The following RFX3 variants were observed in gnomAD, a reference collection of about 807,000 sequenced individuals.
RFX3 encodes the protein transcription factor RFX3.
RFX3 carries 14 observed loss-of-function variants against 98.6 expected under a neutral mutation model. The observed-to-expected ratio is 0.14, with a 90% CI of 0.09 to 0.22. The LOEUF (loss-of-function observed/expected upper bound fraction) is 0.22, where lower values mean the gene tolerates loss of function less well. Among genes scored for constraint, RFX3 ranks in the 10% least tolerant of loss-of-function variants. The pLI is 1.00. For synonymous variants in RFX3, 383 were observed against 328.4 expected, an observed-to-expected ratio of 1.17 and a Z score of -1.80; for missense variants, 639 against 926.9, an observed-to-expected ratio of 0.69 and a Z score of 4.03.
At chr9:3,460,617 T>C (rs1847598663) in intron 1 of RFX3, among the ~76,000 whole-genome samples, 2 of 152,116 alleles carry the variant, frequency 1.3e-5, no homozygotes, top group Admixed American at 1.3e-4. Flanking sequence ...ACCTTATTCA[T>C]GTCACTTAGT....
At chr9:3,382,334 T>C (rs1235530265) in intron 2 of RFX3, among the ~76,000 whole-genome samples, 1 of 152,226 alleles carries the variant, frequency 6.6e-6, no homozygotes, top group African/African-American at 2.4e-5. Flanking sequence ...AAAATCTGTA[T>C]TCTGTCCCAC....
chr9:3,350,066 G>A (rs1279688511), intron 2 of RFX3, among the ~76,000 whole-genome samples: 1 of 152,086 alleles, frequency 6.6e-6, no homozygotes, highest in Non-Finnish European at 1.5e-5. Flanking sequence ...GTTTGGTGAT[G>A]CCTTTTTAGA....
rs1260425009 is a variant in RFX3, at chr9:3,293,088, T to C, written c.720A>G (p.Arg240=). The change falls in exon 6 of 17, where the codon AGA becomes AGG. Residue 240 remains arginine, a synonymous_variant. Transcript: ENST00000617270. ...RSIFMGLRTR[R]LGTRGNSKYH... ...TTTTCAATACTAACCTAGTGCCCAA[T>C]CTCCTGGTTCGTAGCCCCATAAAAA... 6.2e-7 allele frequency: 1 copy of C among 1,611,250 alleles called. No homozygotes were observed. The highest frequency in any genetic ancestry group is 8.5e-7 in the Non-Finnish European group (1 of 1,178,754).
intron 1 of RFX3, among the ~76,000 whole-genome samples, chr9:3,405,214 A>AAAAC (rs1034406471): frequency 1.3e-5 from 2 of 152,232 alleles, no homozygotes; most frequent in Admixed American, 6.5e-5. Context: ...AAAAAAAACC[A>AAAAC]AAACAAACAA....
intron 1 of RFX3, among the ~76,000 whole-genome samples, chr9:3,510,377 G>C (rs1180811278): frequency 6.6e-6 from 1 of 151,986 alleles, no homozygotes; most frequent in Admixed American, 6.6e-5. Flanking sequence ...TAAATGTGAA[G>C]AGACAGTGTT....
At chr9:3,287,901 G>A in intron 7 of RFX3, among the ~76,000 whole-genome samples, 1 of 151,938 alleles carries the variant, frequency 6.6e-6, no homozygotes, top group Non-Finnish European at 1.5e-5. Context: ...AACAGTTTGG[G>A]ATGTCACACT....
In RFX3 at chr9:3,447,413, A is replaced by G. The variant is rs187091857; in HGVS notation, c.-8-51817T>C. 1.6e-3 allele frequency among the ~76,000 whole-genome samples: 247 copies of G among 152,312 alleles called. 1 individual carries two copies. Among genetic ancestry groups the G allele is most frequent in the African/African-American group, 5.7e-3 (238 of 41,590 alleles). ...CCAGCAATGCAAAAGTTGAGAAATG[A>G]AAAATGAAAAGACAAAAACTTTGGG... On this transcript the variant is annotated intron_variant, in intron 1 of 16. Coordinates refer to ENST00000617270, the MANE Select transcript of RFX3 (RefSeq NM_001282116.2).
At chr9:3,285,434 T>C (rs1826463930) in intron 7 of RFX3, among the ~76,000 whole-genome samples, 1 of 151,800 alleles carries the variant, frequency 6.6e-6, no homozygotes, top group South Asian at 2.1e-4. Context: ...CAAATATTCT[T>C]AAATTAGTTT....
intron 1 of RFX3, among the ~76,000 whole-genome samples, chr9:3,504,230 C>A (rs1391028717): frequency 4.2e-5 from 5 of 120,324 alleles, no homozygotes; most frequent in African/African-American, 1.8e-4. Flanking sequence ...ATATTATATA[C>A]TATATATTAT....
At chr9:3,432,871 G>C (rs1451076437) in intron 1 of RFX3, among the ~76,000 whole-genome samples, 4 of 152,142 alleles carry the variant, frequency 2.6e-5, no homozygotes, top group African/African-American at 9.6e-5. Context: ...AGTGGAAGAA[G>C]GGTTGGTACT....
At chr9:3,430,542 A>T (rs928635180) in intron 1 of RFX3, among the ~76,000 whole-genome samples, 1 of 152,214 alleles carries the variant, frequency 6.6e-6, no homozygotes, top group South Asian at 2.1e-4. Context: ...AATGTATACT[A>T]TTGTTATCCT....
At chr9:3,320,455 G>C (rs1408118266) in intron 4 of RFX3, among the ~76,000 whole-genome samples, 1 of 151,812 alleles carries the variant, frequency 6.6e-6, no homozygotes, top group African/African-American at 2.4e-5. Flanking sequence ...GGGAGGATGA[G>C]GCAGGAGAAT....
intron 1 of RFX3, among the ~76,000 whole-genome samples, chr9:3,467,196 AATGT>A (rs1403868555): frequency 9.3e-5 from 13 of 140,262 alleles, no homozygotes; most frequent in East Asian, 2.0e-4. Context: ...ATACATATAT[AATGT>A]ATGTGTATAT....
At chr9:3,458,773 T>C (rs1366454101) in intron 1 of RFX3, among the ~76,000 whole-genome samples, 2 of 152,174 alleles carry the variant, frequency 1.3e-5, no homozygotes, top group Non-Finnish European at 2.9e-5. Flanking sequence ...ATATTTATTA[T>C]TCTGTAAGAA....
intron 1 of RFX3, among the ~76,000 whole-genome samples, chr9:3,429,023 CTCTTT>C (rs1295049801): frequency 7.0e-6 from 1 of 142,448 alleles, no homozygotes; most frequent in Non-Finnish European, 1.5e-5. Context: ...TTTTTAGTTA[CTCTTT>C]TTTTTTTTTT....
chr9:3,255,803 A>G (rs1046151176), intron 14 of RFX3, among the ~76,000 whole-genome samples: 5 of 152,130 alleles, frequency 3.3e-5, no homozygotes, highest in African/African-American at 1.2e-4. Context: ...GGGTGCTTCT[A>G]TGTCTACAAA....
At chr9:3,374,861 T>C (rs1160611659) in intron 2 of RFX3, among the ~76,000 whole-genome samples, 2 of 26,594 alleles carry the variant, frequency 7.5e-5, no homozygotes, top group East Asian at 2.1e-3. Context: ...TTTTTAAAAA[T>C]ACAGGTTAAA....
intron 9 of RFX3, among the ~76,000 whole-genome samples, chr9:3,274,198 C>T (rs932216933): frequency 2.0e-5 from 3 of 152,132 alleles, no homozygotes; most frequent in Non-Finnish European, 4.4e-5. Flanking sequence ...TAATCTAGTA[C>T]CCTTGACAAG....
At chr9:3,352,388 G>A (rs1350835294) in intron 2 of RFX3, among the ~76,000 whole-genome samples, 1 of 151,836 alleles carries the variant, frequency 6.6e-6, no homozygotes, top group Non-Finnish European at 1.5e-5. Flanking sequence ...GTGAGGGGGT[G>A]AAAAAACTAT....
Sources: allele counts gnomAD v4.1 joint callset (sites outside exome capture counted in the v4.1 genomes callset), GRCh38; gene constraint gnomAD v4.1.1; transcripts MANE v1.5; gene names NCBI Gene and HGNC (gene_info 2026-07-23, HGNC 2026-07-21).